CBFA2T2: variants seen among roughly 807,000 people sequenced by gnomAD.
CBFA2T2 encodes the protein CBFA2/RUNX1 partner transcriptional co-repressor 2.
A neutral mutation model predicts 62.2 loss-of-function variants in CBFA2T2; 11 were observed. That is an observed-to-expected ratio of 0.18 (90% CI 0.11 to 0.29). CBFA2T2 has a LOEUF of 0.29. Ranked by LOEUF, CBFA2T2 falls within the 10% of genes least tolerant of loss-of-function variation. CBFA2T2 has a pLI of 1.00. For missense variants in CBFA2T2, 592 were observed against 774.1 expected (o/e 0.76, Z 2.79); for synonymous variants, 295 against 287.5 (o/e 1.03, Z -0.27).
chr20:33,607,008 G>T lies in CBFA2T2; in HGVS notation c.87G>T (p.Lys29Asn). 1 of 1,613,898 alleles carries T rather than the reference G, an allele frequency of 6.2e-7. No individual in the cohort carries two copies. The highest frequency in any genetic ancestry group is 1.1e-5 in the South Asian group (1 of 91,038). ...PAMPGSPVEV[K>N]IQSRSSPPTM... ...TGCCTGGATCGCCTGTGGAAGTGAA[G>T]ATACAGTCCAGATCCTCACCTCCCA... The change falls in exon 2 of 11, where the codon AAG (lysine) becomes AAT (asparagine). Residue 29 changes from lysine (K) to asparagine (N), a missense_variant. Physicochemically the swap from Lys to Asn is moderately conservative, Grantham distance 94. Coordinates refer to ENST00000342704, the MANE Select transcript of CBFA2T2 (RefSeq NM_001032999.3).
chr20:33,577,475 C>T (rs2013883321), intron 1 of CBFA2T2, among the ~76,000 whole-genome samples: 1 of 152,072 alleles, frequency 6.6e-6, no homozygotes, highest in Non-Finnish European at 1.5e-5. Context: ...TAAATGGGCT[C>T]CTACATAACA....
rs1346690965 is a variant in CBFA2T2, at chr20:33,629,777, G to A, written c.1091G>A (p.Arg364Gln). The change falls in exon 8 of 11, where the codon CGG (arginine) becomes CAG (glutamine). Residue 364 changes from arginine to glutamine, a missense_variant. Physicochemically the swap from Arg to Gln is conservative, Grantham distance 43 (BLOSUM62 1). Transcript: ENST00000342704. The stretch of plus-strand genomic sequence containing the variant: ...ACAAGGCGCTCTATGGCAGTTCTGC[G>A]GCGCTGTCAGGAATCAGATCGTGAA... ...EKTRRSMAVL[R>Q]RCQESDREEL... 12 of 1,614,106 alleles carry A rather than the reference G, an allele frequency of 7.4e-6. No individual in the cohort carries two copies. The highest frequency in any genetic ancestry group is 2.2e-5 in the South Asian group (2 of 91,078).
At chr20:33,490,392 G>C in intron 1 of CBFA2T2, 91 bp downstream of exon 1, 1 of 1,167,958 alleles carries the variant, frequency 8.6e-7, no homozygotes, top group Non-Finnish European at 1.1e-6. Context: ...CCGGGCGCGA[G>C]GCCGGGAGTG....
chr20:33,559,172 C>CTTTTTTTTTTTTTTTTTTTTTTTT lies in CBFA2T2; in HGVS notation c.35-47763_35-47762insTTTTTTTTTTTTTTTTTTTTTTTT, dbSNP rs376048540. On this transcript the variant is annotated intron_variant, in intron 1 of 10. Transcript: ENST00000342704. ...CAATTGCAGCTTCTTTTTTTCCTTTCTTTTTTTTTTTTTTTTTTTTTCTGA... is the reference window on the plus strand; with the variant it reads ...CAATTGCAGCTTCTTTTTTTCCTTTCTTTTTTTTTTTTTTTTTTTTTTTTTTTTTTTTTTTTTTTTTTTTTCTGA... Among the ~76,000 whole-genome samples the CTTTTTTTTTTTTTTTTTTTTTTTT allele has an allele frequency of 8.0e-5, 7 of 87,626 alleles. 1 individual carries two copies. Among genetic ancestry groups the CTTTTTTTTTTTTTTTTTTTTTTTT allele is most frequent in the African/African-American group, 3.1e-4 (6 of 19,070 alleles). 57.5% of individuals were successfully genotyped at this position (87,626 alleles called of 152,430 possible). A position where few individuals can be genotyped will look rare whatever the true frequency, so the allele number is the denominator to read the frequency against.
chr20:33,508,770 A>G (rs1175492883), intron 1 of CBFA2T2, among the ~76,000 whole-genome samples: 1 of 152,020 alleles, frequency 6.6e-6, no homozygotes, highest in Non-Finnish European at 1.5e-5. Context: ...CTTCTTTTTT[A>G]TGGCTGCATT....
At chr20:33,572,127 A>C (rs1435031449) in intron 1 of CBFA2T2, among the ~76,000 whole-genome samples, 1 of 152,216 alleles carries the variant, frequency 6.6e-6, no homozygotes, top group Non-Finnish European at 1.5e-5. Flanking sequence ...TCCTGACTTC[A>C]GGTGATCTGC....
intron 1 of CBFA2T2, among the ~76,000 whole-genome samples, chr20:33,554,923 C>T (rs1416871934): frequency 6.6e-6 from 1 of 152,046 alleles, no homozygotes; most frequent in East Asian, 1.9e-4. Flanking sequence ...GAAAAAATAA[C>T]AACTTAAAAA....
intron 1 of CBFA2T2, among the ~76,000 whole-genome samples, chr20:33,542,897 A>G (rs2012444211): frequency 6.6e-6 from 1 of 152,020 alleles, no homozygotes; most frequent in Admixed American, 6.6e-5. Context: ...GGTCTCCTGG[A>G]CTCAAACAAT....
intron 10 of CBFA2T2, among the ~76,000 whole-genome samples, chr20:33,643,797 AT>A (rs2016942803): frequency 9.7e-5 from 2 of 20,706 alleles, no homozygotes; most frequent in African/African-American, 4.5e-4. Context: ...ATATATATAT[AT>A]ATATATATAT....
intron 6 of CBFA2T2, among the ~76,000 whole-genome samples, chr20:33,627,516 G>A (rs1387418098): frequency 2.6e-5 from 4 of 152,126 alleles, no homozygotes; most frequent in African/African-American, 9.7e-5. Flanking sequence ...AAAGAAGTAT[G>A]CTAAAAACTA....
At chr20:33,510,024 A>G (rs963904216) in intron 1 of CBFA2T2, among the ~76,000 whole-genome samples, 16 of 151,552 alleles carry the variant, frequency 1.1e-4, no homozygotes, top group African/African-American at 3.2e-4. Flanking sequence ...CCTGTGTCCA[A>G]GTGTTCTCAT....
Position 33,644,403 on chromosome 20 carries a change from G to A in CBFA2T2, c.1545G>A (p.Ala515=), listed in dbSNP as rs150139351. 3.2e-5 allele frequency: 52 copies of A among 1,614,114 alleles called. No individual in the cohort carries two copies. The African/African-American group carries it at 5.2e-4, about 16-fold the overall frequency. ...AGACATGCAGTGGCTGCAATATCGC[G>A]CGATACTGTGGCTCTTTCTGCCAGC... ...ASETCSGCNI[A]RYCGSFCQHK... is the part of the protein sequence containing the mutation. The change falls in exon 11 of 11, where the codon GCG becomes GCA. Residue 515 remains alanine (A), a synonymous_variant. Coordinates refer to ENST00000342704, the MANE Select transcript of CBFA2T2 (RefSeq NM_001032999.3).
chr20:33,542,364 G>C (rs894381469), intron 1 of CBFA2T2, among the ~76,000 whole-genome samples: 1 of 152,104 alleles, frequency 6.6e-6, no homozygotes, highest in Non-Finnish European at 1.5e-5. Context: ...TGGCTACCTA[G>C]TATTTTACAG....
chr20:33,536,292 C>A lies in CBFA2T2; in HGVS notation c.34+45991C>A, dbSNP rs1303977489. On this transcript the variant is annotated intron_variant, in intron 1 of 10. Coordinates refer to ENST00000342704, the MANE Select transcript of CBFA2T2 (RefSeq NM_001032999.3). ...CTCCCAGACGGGGCGGCTGGCCGGG[C>A]GGGGGGCTGACCCCCCCCACCTCCC... Among the ~76,000 whole-genome samples the A allele has an allele frequency of 7.6e-5, 11 of 144,060 alleles. No homozygotes were observed. In the East Asian group the frequency reaches 2.3e-3, roughly 30 times the overall value. 94.5% of individuals were successfully genotyped at this position (144,060 alleles called of 152,430 possible). A position where few individuals can be genotyped will look rare whatever the true frequency, so the allele number is the denominator to read the frequency against.
intron 1 of CBFA2T2, among the ~76,000 whole-genome samples, chr20:33,491,929 G>T (rs1307252940): frequency 6.6e-6 from 1 of 151,828 alleles, no homozygotes; most frequent in South Asian, 2.1e-4. Flanking sequence ...TGCCCAGGCT[G>T]GAGTGCAGTA....
chr20:33,493,078 T>G (rs965846587), intron 1 of CBFA2T2, among the ~76,000 whole-genome samples: 8 of 143,720 alleles, frequency 5.6e-5, no homozygotes, highest in Admixed American at 2.8e-4. Context: ...GTTTTTTTTT[T>G]TTTTTTTTTT....
chr20:33,571,286 T>C (rs981988528), intron 1 of CBFA2T2, among the ~76,000 whole-genome samples: 2 of 152,236 alleles, frequency 1.3e-5, no homozygotes, highest in African/African-American at 4.8e-5. Flanking sequence ...TTTGTTTCAT[T>C]TTAATGTACT....
chr20:33,632,939 A>G (rs1042893166), intron 8 of CBFA2T2, among the ~76,000 whole-genome samples: 34 of 151,750 alleles, frequency 2.2e-4, no homozygotes, highest in African/African-American at 8.2e-4. Flanking sequence ...TTGTATTTTT[A>G]GTAGAGATGA....
At chr20:33,586,166 CTTGTTTGTTTTT>C (rs902809825) in intron 1 of CBFA2T2, among the ~76,000 whole-genome samples, 3 of 151,894 alleles carry the variant, frequency 2.0e-5, no homozygotes, top group African/African-American at 7.2e-5. Context: ...ACTGGGTTTT[CTTGTTTGTTTTT>C]TTGTTTGTTT....
Sources: gnomAD v4.1 joint callset for allele counts (sites outside exome capture counted in the v4.1 genomes callset) on GRCh38, gnomAD v4.1.1 for gene constraint, MANE v1.5 for transcripts, NCBI Gene and HGNC (gene_info 2026-07-23, HGNC 2026-07-21) for gene names.